C20orf173: variants seen among roughly 807,000 people sequenced by gnomAD.
C20orf173 encodes the protein uncharacterized protein C20orf173.
A neutral mutation model predicts 26.7 loss-of-function variants in C20orf173; 22 were observed. The observed-to-expected ratio is 0.82, with a 90% confidence interval of 0.59 to 1.18. The LOEUF (loss-of-function observed/expected upper bound fraction) is 1.18. Ranked by LOEUF, C20orf173 falls within the 50% of genes most tolerant of loss-of-function variation. The pLI, the probability that C20orf173 is intolerant of heterozygous loss-of-function variation, is 0.00. For synonymous variants in C20orf173, 85 were observed against 96.4 expected, an observed-to-expected ratio of 0.88 and a Z score of 0.69; for missense variants, 210 against 250.3, an observed-to-expected ratio of 0.84 and a Z score of 1.09.
At chr20:35,524,366 G>A (rs1030630367), downstream of C20orf173, among the ~76,000 whole-genome samples, 2 of 151,934 alleles carry the variant, frequency 1.3e-5, no homozygotes, top group African/African-American at 4.8e-5. Context: ...AATTCAAAGC[G>A]TTTTGTCAGA....
At chr20:35,529,528 T>A (rs895225648) in intron 1 of C20orf173, 31 bp downstream of exon 1, 41 of 669,050 alleles carry the variant, frequency 6.1e-5, no homozygotes, top group Non-Finnish European at 8.7e-5. Context: ...TTCCAACCCC[T>A]CCTCTCCTGC....
rs765342360 is a variant in C20orf173 at position 35,528,256 on chromosome 20, C to T, written c.*2G>A. 1.6e-5 allele frequency: 25 copies of T among 1,552,000 alleles called. No homozygotes were observed. In the African/African-American group the frequency reaches 3.4e-4, roughly 21 times the overall value. ...ACCGTGTCTTTGCTATCTTCCACTC[C>T]ACTAGGGAACCAGACCATCTTCCAA... is the stretch of plus-strand genomic sequence containing the variant. On this transcript the variant is annotated 3_prime_UTR_variant, in exon 5 of 6. Transcript: ENST00000444723.
At position 35,528,542 on chromosome 20, in the gene C20orf173, T is replaced by C; in HGVS notation, c.491A>G (p.Asn164Ser). The change falls in exon 4 of 6, where the codon AAT becomes AGT. Residue 164 changes from asparagine to serine, a missense_variant and splice_region_variant. By Grantham distance (46) the Asn-to-Ser change is conservative. Transcript: ENST00000444723. ...DIDQYPVVFR[N>S]ASDQGSWMQL... ...CATCCAGGAGCCCTGGTCGCTGGCA[T>C]TCCTGGGATAGATGAAGCATTGTGT... 6.4e-7 allele frequency: 1 copy of C among 1,551,680 alleles called. No homozygotes were observed. Among genetic ancestry groups the C allele is most frequent in the Non-Finnish European group, 8.7e-7 (1 of 1,146,980 alleles).
At chr20:35,525,145 A>G (rs1315454310), downstream of C20orf173, among the ~76,000 whole-genome samples, 2 of 152,128 alleles carry the variant, frequency 1.3e-5, no homozygotes, top group South Asian at 2.1e-4. Context: ...CACCCCTGAT[A>G]CTTATAAATG....
Position 35,528,757 on chromosome 20 carries a change from C to T in C20orf173, c.432G>A (p.Gln144=). Residue 144 remains glutamine (Q), a synonymous_variant, in exon 3 of 6, where the codon CAG becomes CAA. Transcript: ENST00000444723. ...TGCCAAGGCTGGAGCCCTGCGGGAT[C>T]TGTGGGCGCCCCAACAGCACACAAG... is the stretch of plus-strand genomic sequence containing the variant. ...CGTCVLLGRP[Q]IPQGSSLGND... The T allele has an allele frequency of 6.5e-7, 1 of 1,548,048 alleles. No homozygotes were observed. Among genetic ancestry groups the T allele is most frequent in the Non-Finnish European group, 8.7e-7 (1 of 1,145,678 alleles).
In C20orf173 at chr20:35,529,265, T is replaced by A; in HGVS notation, c.109A>T (p.Met37Leu). 6.4e-7 allele frequency: 1 copy of A among 1,551,616 alleles called. No homozygotes were observed. ...TCGCAATGCTGTGGTACCAAGTACA[T>A]TCGTTTTTCCTGGGGTGCTGATTCA... ...TPESAPQEKR[M>L]YLVPQHCDCP... Residue 37 changes from methionine to leucine, a missense_variant, in exon 2 of 6, where the codon ATG becomes TTG. Physicochemically the swap from Met to Leu is conservative, Grantham distance 15. Transcript: ENST00000444723.
At position 35,529,293 on chromosome 20, in the gene C20orf173, T is replaced by G; in HGVS notation, c.81A>C (p.Thr27=). The change falls in exon 2 of 6, where the codon ACA becomes ACC. Residue 27 remains threonine, a synonymous_variant. Coordinates refer to ENST00000444723, the MANE Select transcript of C20orf173 (RefSeq NM_001145350.2). The part of the protein sequence containing the change: ...LWLMTPYLDL[T]PESAPQEKRM... ...GTTTTTCCTGGGGTGCTGATTCAGGTGTCAGATCCAGATAGGGGGTCATCA... is the reference window on the plus strand; with the variant it reads ...GTTTTTCCTGGGGTGCTGATTCAGGGGTCAGATCCAGATAGGGGGTCATCA... The G allele has an allele frequency of 6.4e-7, 1 of 1,551,452 alleles. No homozygotes were observed. Among genetic ancestry groups the G allele is most frequent in the Non-Finnish European group, 8.7e-7 (1 of 1,146,966 alleles).
In C20orf173 at chr20:35,528,233, C is replaced by T. The variant is rs952224911; in HGVS notation, c.*25G>A. The T allele has an allele frequency of 6.4e-6, 10 of 1,551,780 alleles. No homozygotes were observed. The South Asian group carries it at 7.1e-5, about 11-fold the overall frequency. On this transcript the variant is annotated splice_region_variant and 3_prime_UTR_variant, in exon 5 of 6. Coordinates refer to ENST00000444723, the MANE Select transcript of C20orf173 (RefSeq NM_001145350.2). Reference sequence around the variant, plus strand: ...TACCCCTTTTCCTATTCCCCCTCACCGTGTCTTTGCTATCTTCCACTCCAC... The same window carrying T: ...TACCCCTTTTCCTATTCCCCCTCACTGTGTCTTTGCTATCTTCCACTCCAC...
At chr20:35,526,451 C>G (rs1253644689), downstream of C20orf173, among the ~76,000 whole-genome samples, 2 of 152,010 alleles carry the variant, frequency 1.3e-5, no homozygotes, top group Non-Finnish European at 2.9e-5. Context: ...CATGGCAAGA[C>G]CCCCTTTCTA....
chr20:35,524,727 T>A (rs934412150), downstream of C20orf173, among the ~76,000 whole-genome samples: 4 of 151,320 alleles, frequency 2.6e-5, no homozygotes, highest in Admixed American at 2.6e-4. Context: ...AGACAGAATT[T>A]CGCTCTTGTT....
rs552594577 is a variant in C20orf173 at position 35,528,711 on chromosome 20, C to T, written c.478G>A (p.Val160Met). 9 of 1,531,658 alleles carry T rather than the reference C, an allele frequency of 5.9e-6. No homozygotes were observed. The Admixed American group carries it at 8.2e-5, about 14-fold the overall frequency. 94.9% of individuals were successfully genotyped at this position (1,531,658 alleles called of 1,614,324 possible). Residue 160 changes from valine to methionine, a missense_variant, in exon 3 of 6, where the codon GTG becomes ATG. By Grantham distance (21) the Val-to-Met change is conservative. Transcript: ENST00000444723. Reference sequence around the variant, plus strand: ...CTCCCCAGCACCCACCTGAAAACCACGGGGTATTGGTCGATGTCGTTGCCA... The same window carrying T: ...CTCCCCAGCACCCACCTGAAAACCATGGGGTATTGGTCGATGTCGTTGCCA... Reference protein sequence around the residue: ...SLGNDIDQYPVVFRNASDQGS... With the variant: ...SLGNDIDQYPMVFRNASDQGS...
At chr20:35,523,576 C>G (rs1487813235), downstream of C20orf173, among the ~76,000 whole-genome samples, 2 of 152,204 alleles carry the variant, frequency 1.3e-5, no homozygotes, top group Non-Finnish European at 2.9e-5. Flanking sequence ...TTTTTGTGTT[C>G]TGTGGCCTCC....
chr20:35,528,044 A>C (rs1490244212), intron 5 of C20orf173, among the ~76,000 whole-genome samples, 189 bp downstream of exon 5: 1 of 152,174 alleles, frequency 6.6e-6, no homozygotes, highest in Admixed American at 6.5e-5. Flanking sequence ...AGATACAAGA[A>C]TCTTTCCTGC....
intron 5 of C20orf173, among the ~76,000 whole-genome samples, chr20:35,527,477 C>A (rs1046172946): frequency 1.3e-5 from 2 of 152,050 alleles, no homozygotes; most frequent in African/African-American, 2.4e-5. Context: ...GAGAGGGGAA[C>A]CCCCAGGACG....
rs1481632935 is a variant in C20orf173 at position 35,528,772 on chromosome 20, C to T, written c.417G>A (p.Leu139=). ...CCTGCGGGATCTGTGGGCGCCCCAA[C>T]AGCACACAAGTCCCACAATAGAAAT... The part of the protein sequence containing the change: ...HFDFYCGTCV[L]LGRPQIPQGS... Residue 139 remains leucine, a synonymous_variant, in exon 3 of 6, where the codon CTG becomes CTA. Coordinates refer to ENST00000444723, the MANE Select transcript of C20orf173 (RefSeq NM_001145350.2). 1 of 1,550,162 alleles carries T rather than the reference C, an allele frequency of 6.5e-7. No homozygotes were observed. Among genetic ancestry groups the T allele is most frequent in the South Asian group, 1.2e-5 (1 of 83,982 alleles).
downstream of C20orf173, among the ~76,000 whole-genome samples, chr20:35,525,172 T>C (rs367573598): frequency 5.9e-5 from 9 of 152,060 alleles, 1 homozygote; most frequent in East Asian, 7.7e-4. Context: ...TATTTGGAAG[T>C]AGGGCCTTTG....
downstream of C20orf173, among the ~76,000 whole-genome samples, chr20:35,524,597 A>C (rs1326082498): frequency 6.6e-6 from 1 of 152,216 alleles, no homozygotes; most frequent in Admixed American, 6.5e-5. Context: ...TTTAATTCTA[A>C]AAGTCAACAA....
downstream of C20orf173, among the ~76,000 whole-genome samples, chr20:35,526,628 C>CAAAAAAAAAAAAAAA (rs1286748298): frequency 1.9e-5 from 1 of 53,558 alleles, no homozygotes; most frequent in African/African-American, 7.1e-5. Flanking sequence ...ACTCTTGTCT[C>CAAAAAAAAAAAAAAA]AAAAAAAAAA....
chr20:35,526,625 TCTC>T (rs2064503642), downstream of C20orf173, among the ~76,000 whole-genome samples: 3 of 105,886 alleles, frequency 2.8e-5, no homozygotes, highest in African/African-American at 1.2e-4. Context: ...CAAACTCTTG[TCTC>T]AAAAAAAAAA....
Sources: allele counts gnomAD v4.1 joint callset (sites outside exome capture counted in the v4.1 genomes callset), GRCh38; gene constraint gnomAD v4.1.1; transcripts MANE v1.5; gene names NCBI Gene and HGNC (gene_info 2026-07-23, HGNC 2026-07-21).